CX3CR1: variants seen among roughly 807,000 people sequenced by gnomAD.
The protein encoded by CX3CR1 is CX3C chemokine receptor 1.
For missense variants in CX3CR1, 363 were observed against 432.4 expected, an observed-to-expected ratio of 0.84 and a Z score of 1.42; for synonymous variants, 168 against 178.5, an observed-to-expected ratio of 0.94 and a Z score of 0.47.
At chr3:39,276,472 G>C (rs2040842067) in intron 1 of CX3CR1, among the ~76,000 whole-genome samples, 1 of 152,206 alleles carries the variant, frequency 6.6e-6, no homozygotes, top group South Asian at 2.1e-4. Context: ...ACTGGATTAA[G>C]TGCCCTGTAG....
chr3:39,268,147 C>T (rs1017863945), intron 1 of CX3CR1, among the ~76,000 whole-genome samples: 5 of 152,176 alleles, frequency 3.3e-5, no homozygotes, highest in Non-Finnish European at 7.3e-5. Flanking sequence ...TGTCACTTCT[C>T]GCTTCCCAGC....
At chr3:39,280,047 C>A (rs36230802), upstream of CX3CR1, 2,695 of 985,190 alleles carry the variant, frequency 2.7e-3, 51 homozygotes, top group African/African-American at 0.044. Flanking sequence ...CCTTTCCTTC[C>A]CTCTAAGAGC....
intron 1 of CX3CR1, among the ~76,000 whole-genome samples, chr3:39,268,396 C>T (rs56174603): frequency 4.6e-5 from 7 of 152,182 alleles, no homozygotes; most frequent in African/African-American, 1.7e-4. Context: ...GAGCCACATC[C>T]ATGTCAGTTT....
At position 39,266,413 on chromosome 3, in the gene CX3CR1, A is replaced by T. The variant is rs751159757; in HGVS notation, c.97T>A (p.Phe33Ile). 5.6e-6 allele frequency: 9 copies of T among 1,614,218 alleles called. No homozygotes were observed. The highest frequency in any genetic ancestry group is 7.6e-6 in the Non-Finnish European group (9 of 1,180,026). ...IGDIVVFGTV[F>I]LSIFYSVIFA... ...ATGACGGAGTAGAATATGGACAGGAACACAGTCCCAAAGACCACGATGTCC... is the reference window on the plus strand; with the variant it reads ...ATGACGGAGTAGAATATGGACAGGATCACAGTCCCAAAGACCACGATGTCC... The change falls in exon 2 of 2, where the codon TTC becomes ATC. Residue 33 changes from phenylalanine (F) to isoleucine (I), a missense_variant. Coordinates refer to ENST00000399220, the MANE Select transcript of CX3CR1 (RefSeq NM_001337.4).
chr3:39,285,259 G>A (rs1377605942), upstream of CX3CR1, among the ~76,000 whole-genome samples: 2 of 151,200 alleles, frequency 1.3e-5, no homozygotes, highest in East Asian at 1.9e-4. Flanking sequence ...GTGCCGACCT[G>A]TAGTCCCAGC....
chr3:39,273,138 T>C (rs989571331), intron 1 of CX3CR1, among the ~76,000 whole-genome samples: 1 of 152,256 alleles, frequency 6.6e-6, no homozygotes, highest in African/African-American at 2.4e-5. Context: ...AGGCCACTTC[T>C]CTCGAAGTAG....
chr3:39,266,093 G>T lies in CX3CR1; in HGVS notation c.417C>A (p.Asn139Lys), dbSNP rs750193930. 24 of 1,614,106 alleles carry T rather than the reference G, an allele frequency of 1.5e-5. 1 individual carries two copies. The highest frequency in any genetic ancestry group is 3.3e-4 in the Middle Eastern group (2 of 6,084). The change falls in exon 2 of 2, where the codon AAC becomes AAA. Residue 139 changes from asparagine to lysine, a missense_variant. Physicochemically the swap from Asn to Lys is moderately conservative, Grantham distance 94 (BLOSUM62 0). Transcript: ENST00000399220. ...LAIVLAANSMNNRTVQHGVTI... is the reference protein window; with the variant it reads ...LAIVLAANSMKNRTVQHGVTI... ...TGACGCCATGCTGCACGGTCCGGTT[G>T]TTCATGGAGTTGGCGGCCAGGACGA...
intron 1 of CX3CR1, among the ~76,000 whole-genome samples, chr3:39,277,593 G>A (rs1332405511): frequency 1.3e-5 from 2 of 152,182 alleles, no homozygotes; most frequent in Non-Finnish European, 2.9e-5. Flanking sequence ...GGCTGGGGAG[G>A]AGCAGTTGGA....
chr3:39,275,412 T>C (rs1398793298), intron 1 of CX3CR1, among the ~76,000 whole-genome samples: 1 of 152,316 alleles, frequency 6.6e-6, no homozygotes, highest in East Asian at 1.9e-4. Context: ...TAAATTTGAT[T>C]TTCCTCTGGG....
At chr3:39,287,189 C>T in the CX3CR1 span, 1 of 152,190 alleles carries the variant, frequency 6.6e-6, no homozygotes, top group Non-Finnish European at 1.5e-5. Flanking sequence ...CTCCTTGACT[C>T]TAAAACAAAA....
rs2040703550 is a variant in CX3CR1 at position 39,266,538 on chromosome 3, A to G, written c.-9-20T>C. 3.7e-6 allele frequency: 6 copies of G among 1,611,596 alleles called. No homozygotes were observed. The East Asian group carries it at 1.3e-4, about 36-fold the overall frequency. ...GAAGGCCTGGATCAGAAAGAAAAAC[A>G]AGTAACTGTGTTAGTTATCAGAGAA... On this transcript the variant is annotated intron_variant, in intron 1 of 1. Coordinates refer to ENST00000399220, the MANE Select transcript of CX3CR1 (RefSeq NM_001337.4).
the CX3CR1 span, among the ~76,000 whole-genome samples, chr3:39,288,476 C>G: frequency 4.6e-5 from 7 of 152,148 alleles, no homozygotes; most frequent in Non-Finnish European, 1.5e-5. Context: ...GAGTGAGCTG[C>G]CTTGCCTCTA....
chr3:39,276,640 T>G (rs2040844145), intron 1 of CX3CR1, among the ~76,000 whole-genome samples: 1 of 152,262 alleles, frequency 6.6e-6, no homozygotes, highest in Admixed American at 6.5e-5. Context: ...CTACTGCTAA[T>G]GCACACATAG....
In CX3CR1 at chr3:39,266,805, T is replaced by A. The variant is rs905956027; in HGVS notation, c.-9-287A>T. On this transcript the variant is annotated intron_variant, in intron 1 of 1. Transcript: ENST00000399220. Reference sequence around the variant, plus strand: ...CTCTAGGCATTTTTTTTTTTTTAAATGGAGTCTCGCTGTGTCACCCAGGCT... The same window carrying A: ...CTCTAGGCATTTTTTTTTTTTTAAAAGGAGTCTCGCTGTGTCACCCAGGCT... 8 of 541,228 alleles carry A rather than the reference T, an allele frequency of 1.5e-5. No homozygotes were observed. In the Admixed American group the frequency reaches 1.7e-4, roughly 12 times the overall value. The allele number at this position is 541,228 out of a possible 1,614,324, so 33.5% of individuals were successfully genotyped here. A position where few individuals can be genotyped will look rare whatever the true frequency, so the allele number is the denominator to read the frequency against.
At position 39,265,813 on chromosome 3, in the gene CX3CR1, T is replaced by G; in HGVS notation, c.697A>C (p.Ile233Leu). 1 of 1,614,050 alleles carries G rather than the reference T, an allele frequency of 6.2e-7. No homozygotes were observed. The highest frequency in any genetic ancestry group is 8.5e-7 in the Non-Finnish European group (1 of 1,179,976). ...NHKKAKAIKL[I>L]LLVVIVFFLF... ...AAAAACACGATGACCACCAGAAGGA[T>G]CAGTTTAATGGCTTTGGCTTTCTTG... The change falls in exon 2 of 2, where the codon ATC becomes CTC. Residue 233 changes from isoleucine to leucine, a missense_variant. Coordinates refer to ENST00000399220, the MANE Select transcript of CX3CR1 (RefSeq NM_001337.4).
intron 1 of CX3CR1, among the ~76,000 whole-genome samples, chr3:39,276,661 G>A (rs1559369754): frequency 6.6e-6 from 1 of 152,208 alleles, no homozygotes; most frequent in Non-Finnish European, 1.5e-5. Flanking sequence ...GTGGCTTTCA[G>A]TTTGTTGCTA....
upstream of CX3CR1, among the ~76,000 whole-genome samples, chr3:39,283,844 G>T (rs1394509138): frequency 4.4e-5 from 3 of 67,940 alleles, no homozygotes; most frequent in South Asian, 6.9e-4. Context: ...TATATATAAT[G>T]TGGTTAATAG....
At position 39,274,005 on chromosome 3, in the gene CX3CR1, C is replaced by T. The variant is rs1358062390; in HGVS notation, c.-10+5949G>A. 3.3e-5 allele frequency among the ~76,000 whole-genome samples: 5 copies of T among 152,306 alleles called. No homozygotes were observed. In the East Asian group the frequency reaches 9.6e-4, roughly 29 times the overall value. On this transcript the variant is annotated intron_variant, in intron 1 of 1. Coordinates refer to ENST00000399220, the MANE Select transcript of CX3CR1 (RefSeq NM_001337.4). The stretch of plus-strand genomic sequence containing the variant: ...GTCTATTGTCAACAGAGAGGCTGCC[C>T]AGCAGCCTGCCCAGGGAACATGACA...
At chr3:39,272,882 T>C (rs2040794466) in intron 1 of CX3CR1, among the ~76,000 whole-genome samples, 1 of 152,158 alleles carries the variant, frequency 6.6e-6, no homozygotes, top group Non-Finnish European at 1.5e-5. Context: ...AGGCTGCCAT[T>C]CCCGGATGCC....
Sources: allele counts gnomAD v4.1 joint callset (sites outside exome capture counted in the v4.1 genomes callset), GRCh38; gene constraint gnomAD v4.1.1; transcripts MANE v1.5; gene names NCBI Gene and HGNC (gene_info 2026-07-23, HGNC 2026-07-21).